The following ELAVL4 variants were observed in gnomAD, a reference collection of about 807,000 sequenced individuals.
ELAVL4 encodes the protein ELAV-like protein 4.
In ELAVL4, 1 loss-of-function variant was observed where a neutral mutation model predicts 35.6. The ratio of observed to expected loss-of-function variants is 0.03; its 90% confidence interval spans 0.01 to 0.13. ELAVL4 has a LOEUF of 0.13. Among genes scored for constraint, ELAVL4 ranks in the 10% least tolerant of loss-of-function variants. ELAVL4 has a pLI of 1.00. For synonymous variants in ELAVL4, 156 were observed against 171.0 expected, an observed-to-expected ratio of 0.91 and a Z score of 0.69; for missense variants, 267 against 464.9, an observed-to-expected ratio of 0.57 and a Z score of 3.91.
At chr1:50,165,484 ATG>A (rs774753790) in intron 2 of ELAVL4, among the ~76,000 whole-genome samples, 1 of 150,512 alleles carries the variant, frequency 6.6e-6, no homozygotes, top group Non-Finnish European at 1.5e-5. Flanking sequence ...TCACATATAT[ATG>A]TGTGTGTATA....
upstream of ELAVL4, among the ~76,000 whole-genome samples, chr1:50,107,230 A>G (rs1572190994): frequency 6.6e-6 from 1 of 152,332 alleles, no homozygotes; most frequent in East Asian, 1.9e-4. Flanking sequence ...CTCACAGGAC[A>G]TTTTATACAT....
At chr1:50,079,132 G>A (rs973456188) in intron 1 of ELAVL4, among the ~76,000 whole-genome samples, 1 of 152,028 alleles carries the variant, frequency 6.6e-6, no homozygotes, top group African/African-American at 2.4e-5. Flanking sequence ...TTGCTTTGTT[G>A]CCCAGACTGG....
chr1:50,184,022 G>A (rs1681450077), intron 3 of ELAVL4, among the ~76,000 whole-genome samples: 3 of 152,188 alleles, frequency 2.0e-5, no homozygotes, highest in African/African-American at 4.8e-5. Context: ...AGCCAAGAGA[G>A]AGCACGTGGC....
intron 1 of ELAVL4, among the ~76,000 whole-genome samples, chr1:50,125,983 G>C (rs1439084546): frequency 6.6e-6 from 1 of 152,040 alleles, no homozygotes; most frequent in Non-Finnish European, 1.5e-5. Context: ...AGCTTGTTTA[G>C]AAGATGAACT....
chr1:50,168,057 G>A (rs534843573), intron 2 of ELAVL4, among the ~76,000 whole-genome samples: 5 of 152,172 alleles, frequency 3.3e-5, no homozygotes, highest in Admixed American at 1.3e-4. Context: ...ACCCTTCACC[G>A]CTGTCCTTCA....
At chr1:50,186,665 G>A (rs1182296325) in intron 3 of ELAVL4, among the ~76,000 whole-genome samples, 1 of 152,196 alleles carries the variant, frequency 6.6e-6, no homozygotes, top group Non-Finnish European at 1.5e-5. Context: ...TCAGAAAACT[G>A]TGACATGTTT....
In ELAVL4 at chr1:50,136,175, CT is replaced by C. The variant is rs112196504; in HGVS notation, c.10-8778del. ...GGAATTGTAACGACATTTTTAGTAT[CT>C]TTTAAGGAGCAAGAAGAGAAGTGAG... On this transcript the variant is annotated intron_variant, in intron 1 of 6. Transcript: ENST00000371824. Among the ~76,000 whole-genome samples the C allele has an allele frequency of 3.6e-3, 555 of 152,076 alleles. 7 individuals carry two copies. The highest frequency in any genetic ancestry group is 0.013 in the African/African-American group (538 of 41,512).
At chr1:50,096,701 A>T (rs1665731327) in intron 1 of ELAVL4, among the ~76,000 whole-genome samples, 1 of 152,128 alleles carries the variant, frequency 6.6e-6, no homozygotes, top group Non-Finnish European at 1.5e-5. Flanking sequence ...AAAATAGTGA[A>T]CATTTTTGAG....
At chr1:50,161,371 C>A (rs1259142879) in intron 2 of ELAVL4, among the ~76,000 whole-genome samples, 3 of 152,122 alleles carry the variant, frequency 2.0e-5, no homozygotes, top group Admixed American at 6.5e-5. Context: ...TTCATTGCCC[C>A]AGGGTCATCA....
intron 1 of ELAVL4, among the ~76,000 whole-genome samples, chr1:50,117,600 A>C (rs1158137421): frequency 1.3e-5 from 2 of 152,168 alleles, no homozygotes; most frequent in Non-Finnish European, 2.9e-5. Flanking sequence ...GACAATATCT[A>C]ACTCACAGGG....
intron 2 of ELAVL4, 39 bp from the exon 3 acceptor site, chr1:50,177,046 GTCTC>G (rs765749711): frequency 1.9e-5 from 29 of 1,514,200 alleles, no homozygotes; most frequent in Middle Eastern, 1.7e-4. Context: ...CTCTCTGTCT[GTCTC>G]TCTCTCCCTT....
intron 1 of ELAVL4, among the ~76,000 whole-genome samples, chr1:50,073,920 C>G (rs1664643888): frequency 6.6e-6 from 1 of 152,220 alleles, no homozygotes; most frequent in Non-Finnish European, 1.5e-5. Context: ...TAGTTGCCTT[C>G]TGGACATCTT....
intron 2 of ELAVL4, among the ~76,000 whole-genome samples, chr1:50,174,094 A>C (rs1263734003): frequency 6.6e-6 from 1 of 152,186 alleles, no homozygotes; most frequent in Non-Finnish European, 1.5e-5. Flanking sequence ...ATTTTTCCTC[A>C]TTTTACTCTC....
At chr1:50,089,936 A>G in intron 1 of ELAVL4, among the ~76,000 whole-genome samples, 1 of 152,160 alleles carries the variant, frequency 6.6e-6, no homozygotes, top group East Asian at 1.9e-4. Context: ...AGATGGGGAA[A>G]CTCAACGCCT....
At chr1:50,135,569 T>C (rs1301342583) in intron 1 of ELAVL4, among the ~76,000 whole-genome samples, 1 of 152,164 alleles carries the variant, frequency 6.6e-6, no homozygotes, top group African/African-American at 2.4e-5. Context: ...TTTCCCACCT[T>C]CTAGAAGAAT....
chr1:50,136,621 G>A (rs745458551), intron 1 of ELAVL4, among the ~76,000 whole-genome samples: 28 of 152,064 alleles, frequency 1.8e-4, no homozygotes, highest in Admixed American at 3.3e-4. Flanking sequence ...ACATGCATGA[G>A]TCTCAGGTGT....
At chr1:50,124,830 T>G (rs1374966147) in intron 1 of ELAVL4, among the ~76,000 whole-genome samples, 1 of 152,060 alleles carries the variant, frequency 6.6e-6, no homozygotes, top group Non-Finnish European at 1.5e-5. Context: ...ATCTGTAAAC[T>G]AGGGTTGTTG....
At position 50,201,036 on chromosome 1, in the gene ELAVL4, C is replaced by T; in HGVS notation, c.959C>T (p.Thr320Ile). The stretch of plus-strand genomic sequence containing the variant: ...GTAAAGGTGATTCGTGACTTCAACA[C>T]CAACAAGTGCAAGGGATTCGGCTTT... ...NNVKVIRDFN[T>I]NKCKGFGFVT... The change falls in exon 7 of 7, where the codon ACC becomes ATC. Residue 320 changes from threonine (T) to isoleucine (I), a missense_variant. Thr to Ile is a moderately conservative substitution (Grantham distance 89). Transcript: ENST00000371824. This position sits in a 1 kb window ranked among gnomAD's most constrained non-coding sequence, Gnocchi z 4.3. 1 of 1,614,048 alleles carries T rather than the reference C, an allele frequency of 6.2e-7. No individual in the cohort carries two copies.
chr1:50,158,983 T>C, intron 2 of ELAVL4, among the ~76,000 whole-genome samples: 1 of 146,512 alleles, frequency 6.8e-6, no homozygotes, highest in East Asian at 2.0e-4. Context: ...GTTGCAGCAG[T>C]GAGCCGAGAT....
Sources: gnomAD v4.1 joint callset for allele counts (sites outside exome capture counted in the v4.1 genomes callset) on GRCh38, gnomAD v4.1.1 for gene constraint, Gnocchi (gnomAD v3.1) non-coding constraint, MANE v1.5 for transcripts, NCBI Gene and HGNC (gene_info 2026-07-23, HGNC 2026-07-21) for gene names.